RBFOX1: variants seen among roughly 807,000 people sequenced by gnomAD.
RBFOX1 encodes the protein RNA binding fox-1 homolog 1, also known as RNA binding protein fox-1 homolog 1.
A neutral mutation model predicts 57.7 loss-of-function variants in RBFOX1; 8 were observed. That is an observed-to-expected ratio of 0.14 (90% CI 0.08 to 0.25). The LOEUF is 0.25. Among genes scored for constraint, RBFOX1 ranks in the 10% least tolerant of loss-of-function variants. The probability of loss-of-function intolerance (pLI) is 1.00; values close to 1 mark genes in which losing one functional copy is unlikely to be tolerated. For missense variants in RBFOX1, 611 were observed against 548.5 expected (o/e 1.11, Z -1.14); for synonymous variants, 326 against 222.4 (o/e 1.47, Z -4.15).
chr16:5,390,434 G>A (rs557237612), intron 1 of RBFOX1, among the ~76,000 whole-genome samples: 14 of 151,236 alleles, frequency 9.3e-5, no homozygotes, highest in Admixed American at 2.0e-4. Context: ...GATTACAGGC[G>A]CCCACGACTA....
intron 2 of RBFOX1, among the ~76,000 whole-genome samples, chr16:6,550,569 A>G (rs551619954): frequency 2.6e-5 from 4 of 151,792 alleles, no homozygotes; most frequent in Admixed American, 2.0e-4. Flanking sequence ...CAAGTGATGC[A>G]CCTGCCTCAG....
intron 3 of RBFOX1, among the ~76,000 whole-genome samples, chr16:6,981,796 G>A (rs916696680): frequency 2.0e-5 from 3 of 152,158 alleles, no homozygotes; most frequent in African/African-American, 7.2e-5. Flanking sequence ...GGAATTGTCA[G>A]AGCTACCAGT....
At chr16:7,545,038 C>T (rs570015485) in intron 5 of RBFOX1, among the ~76,000 whole-genome samples, 11 of 152,280 alleles carry the variant, frequency 7.2e-5, no homozygotes, top group Admixed American at 2.0e-4. Context: ...AGTGAAATTG[C>T]ATCAAACAGT....
At chr16:6,108,610 A>T (rs1345053538) in intron 1 of RBFOX1, among the ~76,000 whole-genome samples, 3 of 152,228 alleles carry the variant, frequency 2.0e-5, no homozygotes, top group African/African-American at 7.2e-5. Flanking sequence ...ATTGTCACAC[A>T]GTTGGTGGCT....
intron 3 of RBFOX1, among the ~76,000 whole-genome samples, chr16:5,762,793 T>A (rs1209138105): frequency 6.6e-6 from 1 of 152,200 alleles, no homozygotes; most frequent in Admixed American, 6.5e-5. Flanking sequence ...GTCATTTACA[T>A]AGGTCTGGGA....
intron 4 of RBFOX1, among the ~76,000 whole-genome samples, chr16:7,451,467 G>C (rs561648348): frequency 1.1e-3 from 170 of 152,134 alleles, no homozygotes; most frequent in Non-Finnish European, 1.9e-3. Flanking sequence ...TTTTGTGCTC[G>C]GGACCGTAAT....
chr16:5,502,215 AG>A (rs1190470180), intron 2 of RBFOX1, among the ~76,000 whole-genome samples: 3 of 152,130 alleles, frequency 2.0e-5, no homozygotes, highest in Non-Finnish European at 4.4e-5. Context: ...AGCTTTGGGC[AG>A]AAGGATTAGA....
At chr16:6,851,588 C>T (rs1603632318) in intron 3 of RBFOX1, among the ~76,000 whole-genome samples, 1 of 152,094 alleles carries the variant, frequency 6.6e-6, no homozygotes. Context: ...GAGCTTTCCC[C>T]TAAGAGATCT....
In RBFOX1 at chr16:5,303,552, C is replaced by A. The variant is rs566237883; in HGVS notation, c.219+63447C>A. On this transcript the variant is annotated intron_variant, in intron 1 of 2. Coordinates refer to the RBFOX1 transcript ENST00000585867. Reference sequence around the variant, plus strand: ...AAGCTGGCTGTGGGAGTCACAGATGCCAGTGTTTTAGATAAACTTCAGACA... The same window carrying A: ...AAGCTGGCTGTGGGAGTCACAGATGACAGTGTTTTAGATAAACTTCAGACA... Among the ~76,000 whole-genome samples, 12 of 152,172 alleles carry A rather than the reference C, an allele frequency of 7.9e-5. 1 individual carries two copies. The East Asian group carries it at 2.1e-3, about 27-fold the overall frequency.
intron 1 of RBFOX1, among the ~76,000 whole-genome samples, chr16:5,401,366 A>G (rs1048880419): frequency 6.6e-6 from 1 of 151,984 alleles, no homozygotes. Context: ...CGTATGATCA[A>G]TGTTCCTGTT....
rs2095031510 is a variant in RBFOX1, at chr16:6,019,817, C to A, written c.-302C>A. The A allele has an allele frequency of 1.2e-5, 18 of 1,500,236 alleles. 1 individual carries two copies. The South Asian group carries it at 2.1e-4, about 17-fold the overall frequency. 92.9% of individuals were successfully genotyped at this position (1,500,236 alleles called of 1,614,324 possible). A position where few individuals can be genotyped will look rare whatever the true frequency, so the allele number is the denominator to read the frequency against. ...CGGACCCTCGCCGCGCCCAGGCAGG[C>A]GCGCCAGGGCGGGGCTGACCTGCCC... On this transcript the variant is annotated 5_prime_UTR_variant, in exon 1 of 16. Transcript: ENST00000550418. This position sits in a 1 kb window ranked among gnomAD's most constrained non-coding sequence, Gnocchi z 4.2.
chr16:7,435,146 G>A (rs2098712015), intron 4 of RBFOX1, among the ~76,000 whole-genome samples: 1 of 151,822 alleles, frequency 6.6e-6, no homozygotes, highest in Non-Finnish European at 1.5e-5. Context: ...GTTCTTTTCT[G>A]TTCCAGGATG....
At chr16:5,403,618 G>T (rs898129144) in intron 1 of RBFOX1, among the ~76,000 whole-genome samples, 7 of 151,902 alleles carry the variant, frequency 4.6e-5, no homozygotes, top group African/African-American at 1.7e-4. Flanking sequence ...CTAATTTTTT[G>T]TATTTTTAAT....
intron 4 of RBFOX1, among the ~76,000 whole-genome samples, chr16:7,085,555 C>T (rs192567038): frequency 1.1e-3 from 163 of 152,156 alleles, no homozygotes; most frequent in African/African-American, 3.8e-3. Context: ...AGCACGTGTT[C>T]AGTAGAATAT....
rs890971178 is a variant in RBFOX1 at position 7,132,457 on chromosome 16, C to T, written c.27+80359C>T. ...AGACACACACACACACACACACACA[C>T]ACACACACACACACACACACACACA... On this transcript the variant is annotated intron_variant, in intron 4 of 15. Transcript: ENST00000550418. 1.4e-3 allele frequency among the ~76,000 whole-genome samples: 209 copies of T among 147,746 alleles called. 1 individual carries two copies. The highest frequency in any genetic ancestry group is 5.0e-3 in the African/African-American group (205 of 40,920).
At chr16:6,844,570 T>C (rs1031405592) in intron 3 of RBFOX1, among the ~76,000 whole-genome samples, 1 of 152,146 alleles carries the variant, frequency 6.6e-6, no homozygotes, top group Non-Finnish European at 1.5e-5. Context: ...CTTTTTTTTT[T>C]ATCCAGTCTT....
chr16:7,413,375 C>G (rs6500960), intron 4 of RBFOX1, among the ~76,000 whole-genome samples: 45,062 of 151,852 alleles, frequency 0.3, 8,377 homozygotes, highest in African/African-American at 0.52. Flanking sequence ...ATCCCTGAAT[C>G]ACTTGTTAAA....
intron 4 of RBFOX1, among the ~76,000 whole-genome samples, chr16:7,251,161 C>A (rs1039680810): frequency 6.6e-6 from 1 of 152,216 alleles, no homozygotes; most frequent in East Asian, 1.9e-4. Context: ...TCTCCCCAAC[C>A]CTCACCAACC....
chr16:7,056,842 A>C (rs1389657328), intron 4 of RBFOX1, among the ~76,000 whole-genome samples: 1 of 152,192 alleles, frequency 6.6e-6, no homozygotes, highest in East Asian at 1.9e-4. Context: ...CAATATGGCA[A>C]TGTGACTCTA....
Sources: gnomAD v4.1 joint callset for allele counts (sites outside exome capture counted in the v4.1 genomes callset) on GRCh38, gnomAD v4.1.1 for gene constraint, Gnocchi (gnomAD v3.1) non-coding constraint, MANE v1.5 for transcripts, NCBI Gene and HGNC (gene_info 2026-07-23, HGNC 2026-07-21) for gene names.